The following ZNF431 variants were observed in gnomAD, a reference collection of about 807,000 sequenced individuals.
ZNF431 encodes the protein zinc finger protein 431.
In ZNF431, 34 loss-of-function variants were observed where a neutral mutation model predicts 57.0. That is an observed-to-expected ratio of 0.60 (90% confidence interval 0.45 to 0.79). The LOEUF (loss-of-function observed/expected upper bound fraction) is 0.79, where lower values mean the gene tolerates loss of function less well. ZNF431 is among the 30% of genes least tolerant of loss of function. ZNF431 has a pLI of 0.00. For missense variants in ZNF431, 607 were observed against 667.1 expected (o/e 0.91, Z 0.99); for synonymous variants, 207 against 220.3 (o/e 0.94, Z 0.54).
intron 2 of ZNF431, chr19:21,150,075 C>T: frequency 1.6e-6 from 1 of 635,988 alleles, no homozygotes; most frequent in Admixed American, 2.0e-5. Flanking sequence ...TCCCCTTTGT[C>T]AGCAGCTTTC....
intron 2 of ZNF431, chr19:21,149,950 C>G (rs1970221756): frequency 3.3e-6 from 2 of 597,298 alleles, no homozygotes; most frequent in East Asian, 7.0e-5. Context: ...AGACAACCAG[C>G]TTGATGGGAT....
Position 21,182,660 on chromosome 19 carries a change from G to C in ZNF431, c.357G>C (p.Glu119Asp). ...ATTTTACCAAAGACCTTTGGCCAGA[G>C]CAAGACATAAAAGATTCTTTTCAAC... is the stretch of plus-strand genomic sequence containing the variant. ...CSYFTKDLWPEQDIKDSFQQV... is the reference protein window; with the variant it reads ...CSYFTKDLWPDQDIKDSFQQV... The change falls in exon 5 of 5, where the codon GAG (glutamate) becomes GAC (aspartate). Residue 119 changes from glutamate (E) to aspartate (D), a missense_variant. Physicochemically the swap from Glu to Asp is conservative, Grantham distance 45. Transcript: ENST00000311048. The C allele has an allele frequency of 6.2e-7, 1 of 1,611,662 alleles. No homozygotes were observed. The highest frequency in any genetic ancestry group is 8.5e-7 in the Non-Finnish European group (1 of 1,179,288).
In ZNF431 at chr19:21,184,314, C is replaced by A; in HGVS notation, c.*280C>A. The A allele has an allele frequency of 3.9e-6, 1 of 255,668 alleles. No homozygotes were observed. Among genetic ancestry groups the A allele is most frequent in the Non-Finnish European group, 7.5e-6 (1 of 134,176 alleles). 15.8% of individuals were successfully genotyped at this position (255,668 alleles called of 1,614,324 possible). ...GCAGTGAGCCAAGATTGTACCACTG[C>A]ACTCCAGTTTGGCAACAGAGTGAGA... On this transcript the variant is annotated 3_prime_UTR_variant, in exon 5 of 5. Transcript: ENST00000311048.
intron 2 of ZNF431, among the ~76,000 whole-genome samples, chr19:21,163,960 A>T (rs368724142): frequency 1.3e-5 from 2 of 151,648 alleles, no homozygotes; most frequent in East Asian, 3.9e-4. Context: ...GTGTGTCTGT[A>T]ATCCCAGCTA....
At chr19:21,168,476 C>T (rs899462131) in intron 4 of ZNF431, among the ~76,000 whole-genome samples, 4 of 151,908 alleles carry the variant, frequency 2.6e-5, no homozygotes, top group African/African-American at 4.8e-5. Context: ...AAGCGATTCT[C>T]CTGCTTCAGC....
chr19:21,155,238 T>C (rs12975836), intron 2 of ZNF431, among the ~76,000 whole-genome samples: 114,608 of 152,044 alleles, frequency 0.75, 43,305 homozygotes, highest in Middle Eastern at 0.91. Flanking sequence ...TTTCTACATA[T>C]GGTTAGCCAG....
At position 21,189,680 on chromosome 19, in the gene ZNF431, A is replaced by G; in HGVS notation, c.*5646A>G. 3.6e-6 allele frequency: 1 copy of G among 276,122 alleles called. No individual in the cohort carries two copies. Among genetic ancestry groups the G allele is most frequent in the African/African-American group, 2.9e-5 (1 of 34,358 alleles). 17.1% of individuals were successfully genotyped at this position (276,122 alleles called of 1,614,324 possible). ...ATGTTTCCAGCCTTCCATTTCTTAT[A>G]AATAACTTGCATCTGATGGTCACCA... On this transcript the variant is annotated 3_prime_UTR_variant, in exon 5 of 5. Transcript: ENST00000311048.
At chr19:21,166,258 C>A in intron 2 of ZNF431, 77 bp from the exon 3 acceptor site, 1 of 1,550,592 alleles carries the variant, frequency 6.4e-7, no homozygotes, top group South Asian at 1.2e-5. Context: ...TCTCTCAATT[C>A]ACCTTAATTC....
chr19:21,193,968 A>G lies in ZNF431; in HGVS notation c.*9934A>G, dbSNP rs1010411408. The G allele has an allele frequency of 6.6e-5, 10 of 152,220 alleles. No individual in the cohort carries two copies. Among genetic ancestry groups the G allele is most frequent in the Non-Finnish European group, 1.0e-4 (7 of 68,044 alleles). 9.4% of individuals were successfully genotyped at this position (152,220 alleles called of 1,614,324 possible). ...TGCATTTCTCATTAGAAAAAAAATA[A>G]GACTATCTAAACAATTCTATTTAAC... On this transcript the variant is annotated 3_prime_UTR_variant, in exon 5 of 5. Coordinates refer to ENST00000311048, the MANE Select transcript of ZNF431 (RefSeq NM_133473.4).
At chr19:21,162,651 G>A (rs1970608954) in intron 2 of ZNF431, 2 of 908,790 alleles carry the variant, frequency 2.2e-6, no homozygotes, top group African/African-American at 3.6e-5. Context: ...CCCCACCCTG[G>A]AGTCTTGCAT....
At chr19:21,171,724 T>A (rs1274010099) in intron 4 of ZNF431, among the ~76,000 whole-genome samples, 98 of 141,492 alleles carry the variant, frequency 6.9e-4, no homozygotes, top group South Asian at 2.9e-3. Flanking sequence ...TTTTTTTTTT[T>A]TTTTTTTTTT....
rs906857736 is a variant in ZNF431, at chr19:21,194,016, A to T, written c.*9982A>T. On this transcript the variant is annotated 3_prime_UTR_variant, in exon 5 of 5. Transcript: ENST00000311048. ...AACATAGTTCTGGAAGTGCTGGATA[A>T]ATCTAACAAAATGAAAAAATAAATG... is the stretch of plus-strand genomic sequence containing the variant. The T allele has an allele frequency of 5.3e-5, 8 of 152,160 alleles. No individual in the cohort carries two copies. Among genetic ancestry groups the T allele is most frequent in the Admixed American group, 5.2e-4 (8 of 15,274 alleles). 9.4% of individuals were successfully genotyped at this position (152,160 alleles called of 1,614,324 possible). A position where few individuals can be genotyped will look rare whatever the true frequency, so the allele number is the denominator to read the frequency against.
chr19:21,169,230 T>C (rs777659498), intron 4 of ZNF431, among the ~76,000 whole-genome samples: 5 of 152,180 alleles, frequency 3.3e-5, no homozygotes, highest in Non-Finnish European at 5.9e-5. Context: ...CAAATTTTAA[T>C]GTACTGTTTA....
At chr19:21,147,741 G>A (rs1970141952) in intron 2 of ZNF431, among the ~76,000 whole-genome samples, 1 of 152,090 alleles carries the variant, frequency 6.6e-6, no homozygotes, top group Admixed American at 6.5e-5. Context: ...ATAAAATAAG[G>A]TTGCATGTTG....
At position 21,183,113 on chromosome 19, in the gene ZNF431, G is replaced by A. The variant is rs766482214; in HGVS notation, c.810G>A (p.Lys270=). The change falls in exon 5 of 5, where the codon AAG becomes AAA. Residue 270 remains lysine, a synonymous_variant. Transcript: ENST00000311048. ...GTGAAGAATGTGGCAAAGCTTTTAA[G>A]CAGTCCTCAACCCTTACTACACATA... ...FKCEECGKAF[K]QSSTLTTHKI... is the part of the protein sequence containing the mutation. 2.7e-5 allele frequency: 44 copies of A among 1,607,948 alleles called. No individual in the cohort carries two copies. Among genetic ancestry groups the A allele is most frequent in the Middle Eastern group, 3.3e-4 (2 of 6,008 alleles).
At chr19:21,163,140 G>A (rs1004189266) in intron 2 of ZNF431, among the ~76,000 whole-genome samples, 51 of 152,206 alleles carry the variant, frequency 3.4e-4, no homozygotes, top group African/African-American at 1.1e-3. Context: ...CCCACATAGT[G>A]CTCTGTAACA....
chr19:21,143,544 T>C lies in ZNF431; in HGVS notation c.4-7T>C, dbSNP rs778112531. The stretch of plus-strand genomic sequence containing the variant: ...AATATCAGCTTCTGGTTTATTTTCT[T>C]CCATAGGACGACTTGAAATATGGAG... On this transcript the variant is annotated splice_polypyrimidine_tract_variant and splice_region_variant and intron_variant, in intron 1 of 4. Coordinates refer to ENST00000311048, the MANE Select transcript of ZNF431 (RefSeq NM_133473.4). 1.2e-6 allele frequency: 2 copies of C among 1,611,192 alleles called. No individual in the cohort carries two copies. The highest frequency in any genetic ancestry group is 1.7e-6 in the Non-Finnish European group (2 of 1,177,300).
At chr19:21,165,832 T>C (rs946165354) in intron 2 of ZNF431, among the ~76,000 whole-genome samples, 34 of 152,268 alleles carry the variant, frequency 2.2e-4, no homozygotes, top group Admixed American at 6.5e-4. Flanking sequence ...TTTGACAAAA[T>C]AGTCTTCCTG....
chr19:21,179,243 C>A (rs567666922), intron 4 of ZNF431, among the ~76,000 whole-genome samples: 1 of 151,992 alleles, frequency 6.6e-6, no homozygotes, highest in South Asian at 2.1e-4. Flanking sequence ...TTGTTTATTG[C>A]ATTTTTCTCT....
Sources: gnomAD v4.1 joint callset for allele counts (sites outside exome capture counted in the v4.1 genomes callset) on GRCh38, gnomAD v4.1.1 for gene constraint, MANE v1.5 for transcripts, NCBI Gene and HGNC (gene_info 2026-07-23, HGNC 2026-07-21) for gene names.